Variants in SORCS1 observed in about 807,000 individuals in gnomAD.
SORCS1 encodes VPS10 domain-containing receptor SorCS1.
A neutral mutation model predicts 146.1 loss-of-function variants in SORCS1; 60 were observed. That is an observed-to-expected ratio of 0.41 (90% CI 0.33 to 0.51). The LOEUF is 0.51. Among genes scored for constraint, SORCS1 ranks in the 20% least tolerant of loss-of-function variants. SORCS1 has a pLI of 0.21. For synonymous variants in SORCS1, 637 were observed against 584.0 expected, an observed-to-expected ratio of 1.09 and a Z score of -1.31; for missense variants, 1,352 against 1,487.6, an observed-to-expected ratio of 0.91 and a Z score of 1.50.
At chr10:106,911,180 G>T (rs1952132704) in intron 2 of SORCS1, among the ~76,000 whole-genome samples, 2 of 152,228 alleles carry the variant, frequency 1.3e-5, no homozygotes, top group Admixed American at 6.5e-5. Context: ...AAATGTCCAA[G>T]AACTCTTTGT....
At chr10:106,875,782 G>T (rs1024113601) in intron 2 of SORCS1, among the ~76,000 whole-genome samples, 5 of 151,938 alleles carry the variant, frequency 3.3e-5, no homozygotes, top group African/African-American at 1.2e-4. Context: ...CATGTCATTT[G>T]CCCACTTTTT....
chr10:107,173,676 A>G, the SORCS1 span, among the ~76,000 whole-genome samples: 3 of 152,202 alleles, frequency 2.0e-5, no homozygotes, highest in African/African-American at 7.2e-5. Context: ...GTATTGTTTT[A>G]TCATTTATAT....
At chr10:107,139,170 T>C (rs1448652149) in intron 1 of SORCS1, among the ~76,000 whole-genome samples, 1 of 152,228 alleles carries the variant, frequency 6.6e-6, no homozygotes, top group Non-Finnish European at 1.5e-5. Flanking sequence ...TGCTTAAATC[T>C]TCTGGATATT....
intron 5 of SORCS1, among the ~76,000 whole-genome samples, chr10:106,734,650 A>G (rs1856823474): frequency 6.6e-6 from 1 of 152,204 alleles, no homozygotes; most frequent in African/African-American, 2.4e-5. Context: ...TTGTTAAGTT[A>G]GTTAACATCT....
intron 7 of SORCS1, among the ~76,000 whole-genome samples, chr10:106,707,951 C>A (rs562514659): frequency 6.6e-6 from 1 of 152,158 alleles, no homozygotes; most frequent in African/African-American, 2.4e-5. Flanking sequence ...TCATCTTCAC[C>A]GTCATGTGGC....
At chr10:106,944,365 G>A (rs543057005) in intron 2 of SORCS1, among the ~76,000 whole-genome samples, 49 of 152,082 alleles carry the variant, frequency 3.2e-4, no homozygotes, top group African/African-American at 9.9e-4. Flanking sequence ...ACCTAGAGGC[G>A]CCTGAAATAT....
intron 10 of SORCS1, among the ~76,000 whole-genome samples, chr10:106,687,503 G>A (rs1009420780): frequency 5.9e-5 from 9 of 152,026 alleles, no homozygotes; most frequent in Non-Finnish European, 1.0e-4. Context: ...AGTCTCTCTC[G>A]TGACTACTCA....
chr10:106,644,613 C>T (rs757402004), intron 18 of SORCS1, among the ~76,000 whole-genome samples: 8 of 152,284 alleles, frequency 5.3e-5, no homozygotes, highest in Non-Finnish European at 7.3e-5. Context: ...GTTCTGCCCG[C>T]CTTGGCCTCC....
intron 23 of SORCS1, among the ~76,000 whole-genome samples, chr10:106,606,235 GAA>G (rs1846564918): frequency 6.8e-6 from 1 of 147,278 alleles, no homozygotes; most frequent in Admixed American, 6.9e-5. Flanking sequence ...GACTAAAGGG[GAA>G]AAGAGAAAGA....
intron 5 of SORCS1, among the ~76,000 whole-genome samples, chr10:106,737,303 C>T (rs559675108): frequency 6.6e-6 from 1 of 152,332 alleles, no homozygotes; most frequent in Non-Finnish European, 1.5e-5. Context: ...CAGCTCTCCC[C>T]TTCCTTTCCC....
At chr10:106,620,277 T>A in intron 20 of SORCS1, 151 bp downstream of exon 20, 1 of 850,550 alleles carries the variant, frequency 1.2e-6, no homozygotes. Context: ...AACATAATGA[T>A]GAGATACTTG....
At chr10:107,035,924 A>G (rs928078114) in intron 1 of SORCS1, among the ~76,000 whole-genome samples, 1 of 148,884 alleles carries the variant, frequency 6.7e-6, no homozygotes, top group South Asian at 2.1e-4. Context: ...AATATATATT[A>G]TGTTTATAAC....
At chr10:107,109,049 A>C (rs1009385210) in intron 1 of SORCS1, among the ~76,000 whole-genome samples, 1 of 152,146 alleles carries the variant, frequency 6.6e-6, no homozygotes, top group Non-Finnish European at 1.5e-5. Context: ...GGGCAGCTCT[A>C]CCCTTGTGGC....
intron 3 of SORCS1, among the ~76,000 whole-genome samples, chr10:106,825,850 C>T (rs761895026): frequency 6.6e-6 from 1 of 152,120 alleles, no homozygotes. Flanking sequence ...CATATATCAG[C>T]GGCCAGATGC....
chr10:107,071,632 T>C (rs1962435937), intron 1 of SORCS1, among the ~76,000 whole-genome samples: 1 of 152,228 alleles, frequency 6.6e-6, no homozygotes. Flanking sequence ...ATTAATCTAC[T>C]TCCTTGGATC....
At chr10:106,677,177 G>A in intron 13 of SORCS1, 136 bp downstream of exon 13, 1 of 756,366 alleles carries the variant, frequency 1.3e-6, no homozygotes, top group African/African-American at 1.7e-5. Context: ...AGAGTAACAG[G>A]ACCTGAACCA....
chr10:107,106,386 T>C (rs532132581), intron 1 of SORCS1, among the ~76,000 whole-genome samples: 2 of 152,352 alleles, frequency 1.3e-5, no homozygotes, highest in South Asian at 2.1e-4. Context: ...GTTTGTTAAA[T>C]AGATGTTATG....
intron 1 of SORCS1, among the ~76,000 whole-genome samples, chr10:107,132,859 A>T (rs1005910863): frequency 1.3e-5 from 2 of 149,384 alleles, no homozygotes; most frequent in African/African-American, 5.0e-5. Context: ...TTTCAAAAAT[A>T]AAAAAAAATA....
chr10:107,127,540 C>G (rs983470130), intron 1 of SORCS1, among the ~76,000 whole-genome samples: 1 of 152,112 alleles, frequency 6.6e-6, no homozygotes, highest in Admixed American at 6.5e-5. Context: ...ATTCTTAGGA[C>G]AGCAGGGAAA....
Sources: allele counts gnomAD v4.1 joint callset (sites outside exome capture counted in the v4.1 genomes callset), GRCh38; gene constraint gnomAD v4.1.1; transcripts MANE v1.5; gene names NCBI Gene and HGNC (gene_info 2026-07-23, HGNC 2026-07-21).